Variants in PRKD1 observed in about 807,000 individuals in gnomAD.
PRKD1 encodes the protein protein kinase D1.
In PRKD1, 63 loss-of-function variants were observed where a neutral mutation model predicts 95.9. The observed-to-expected ratio is 0.66, with a 90% CI of 0.54 to 0.81. PRKD1 has a LOEUF of 0.81. Among genes scored for constraint, PRKD1 ranks in the 30% least tolerant of loss-of-function variants. PRKD1 has a pLI of 0.00. For missense variants in PRKD1, 1,048 were observed against 1,165.3 expected (o/e 0.90, Z 1.47); for synonymous variants, 425 against 423.1 (o/e 1.00, Z -0.05).
intron 1 of PRKD1, among the ~76,000 whole-genome samples, chr14:29,861,112 A>G (rs1210520924): frequency 6.6e-6 from 1 of 152,224 alleles, no homozygotes; most frequent in Non-Finnish European, 1.5e-5. Flanking sequence ...GTCTGCCAGA[A>G]TAAAGTACAA....
At position 29,890,925 on chromosome 14, in the gene PRKD1, C is replaced by G. The variant is rs138572514; in HGVS notation, c.264+36324G>C. 9.5e-4 allele frequency among the ~76,000 whole-genome samples: 145 copies of G among 152,080 alleles called. 3 individuals are homozygous for G. Among genetic ancestry groups the G allele is most frequent in the African/African-American group, 3.4e-3 (140 of 41,542 alleles). ...AATGTTCCATATGATTTTGAAAATT[C>G]TATCTATCACCAAGGTCACAGTTTC... On this transcript the variant is annotated intron_variant, in intron 1 of 17. Transcript: ENST00000331968.
chr14:29,844,783 C>A (rs1892015130), intron 1 of PRKD1, among the ~76,000 whole-genome samples: 1 of 152,130 alleles, frequency 6.6e-6, no homozygotes, highest in African/African-American at 2.4e-5. Context: ...GAAGCTTATA[C>A]CAAGTTGTTA....
intron 1 of PRKD1, among the ~76,000 whole-genome samples, chr14:29,769,319 G>A (rs145645779): frequency 5.1e-4 from 78 of 151,858 alleles, no homozygotes; most frequent in African/African-American, 1.6e-3. Context: ...CTGTAATCCC[G>A]GCACTTTAGG....
intron 1 of PRKD1, among the ~76,000 whole-genome samples, chr14:29,896,731 A>AG (rs1426037884): frequency 1.3e-5 from 2 of 151,838 alleles, no homozygotes; most frequent in African/African-American, 4.8e-5. Context: ...AAAAAAAAAA[A>AG]AAAAAAACAG....
intron 2 of PRKD1, among the ~76,000 whole-genome samples, chr14:29,683,844 T>C (rs540956914): frequency 6.6e-6 from 1 of 152,366 alleles, no homozygotes; most frequent in Non-Finnish European, 1.5e-5. Flanking sequence ...TTTTGTGTCA[T>C]CGTCAATCAA....
In PRKD1 at chr14:29,663,726, A is replaced by G; in HGVS notation, c.669T>C (p.Ser223=). ...GAAGGGGCTCATCAGGGGCACTTGT[A>G]GAGAGTTCAGCAGATGATGTGCGGA... ...STIRTSSAEL[S]TSAPDEPLLQ... The change falls in exon 4 of 18, where the codon TCT becomes TCC. Residue 223 remains serine (S), a synonymous_variant. Transcript: ENST00000331968. 6.2e-7 allele frequency: 1 copy of G among 1,614,050 alleles called. No individual in the cohort carries two copies. Among genetic ancestry groups the G allele is most frequent in the Non-Finnish European group, 8.5e-7 (1 of 1,179,940 alleles).
At chr14:29,784,052 T>A (rs1380968845) in intron 1 of PRKD1, among the ~76,000 whole-genome samples, 2 of 152,244 alleles carry the variant, frequency 1.3e-5, no homozygotes, top group African/African-American at 2.4e-5. Context: ...CTTAGACCAA[T>A]GTCCTGAAGC....
At chr14:29,727,103 T>A (rs74951906) in intron 1 of PRKD1, among the ~76,000 whole-genome samples, 26,472 of 151,518 alleles carry the variant, frequency 0.17, 2,509 homozygotes, top group South Asian at 0.26. Context: ...AACTGGTGTG[T>A]AATGATATCT....
chr14:29,906,988 C>T (rs1042079271), intron 1 of PRKD1, among the ~76,000 whole-genome samples: 5 of 152,176 alleles, frequency 3.3e-5, no homozygotes, highest in Admixed American at 2.0e-4. Context: ...GTAAATTAGG[C>T]TGAGATTTGA....
intron 1 of PRKD1, among the ~76,000 whole-genome samples, chr14:29,751,791 G>C (rs1887490252): frequency 6.6e-6 from 1 of 152,118 alleles, no homozygotes; most frequent in South Asian, 2.1e-4. Context: ...ATTTGCTTTG[G>C]CTAATGCGAT....
At chr14:29,921,400 A>G (rs541884786) in intron 1 of PRKD1, among the ~76,000 whole-genome samples, 1 of 151,702 alleles carries the variant, frequency 6.6e-6, no homozygotes, top group East Asian at 1.9e-4. Context: ...GAATAAGATA[A>G]TAAATATAAA....
At chr14:29,711,566 G>A (rs1885335662) in intron 2 of PRKD1, among the ~76,000 whole-genome samples, 1 of 152,070 alleles carries the variant, frequency 6.6e-6, no homozygotes, top group South Asian at 2.1e-4. Flanking sequence ...TATATTAACT[G>A]CTTAAAACCA....
intron 1 of PRKD1, among the ~76,000 whole-genome samples, chr14:29,738,607 G>C (rs1886837063): frequency 6.6e-6 from 1 of 151,868 alleles, no homozygotes; most frequent in South Asian, 2.1e-4. Context: ...ATCTTACTTT[G>C]TTATTTTCTG....
At chr14:29,637,066 G>A (rs1880433172) in intron 6 of PRKD1, among the ~76,000 whole-genome samples, 1 of 152,182 alleles carries the variant, frequency 6.6e-6, no homozygotes, top group Non-Finnish European at 1.5e-5. Flanking sequence ...AACCTTGGAA[G>A]GAAGCCAAAG....
intron 4 of PRKD1, among the ~76,000 whole-genome samples, chr14:29,643,436 T>C (rs753328355): frequency 1.3e-5 from 2 of 152,296 alleles, no homozygotes; most frequent in Middle Eastern, 6.8e-3. Context: ...ACACCAAGTG[T>C]TTCATTTGAA....
chr14:29,654,117 G>T (rs1881695638), intron 4 of PRKD1, among the ~76,000 whole-genome samples: 1 of 151,566 alleles, frequency 6.6e-6, no homozygotes, highest in South Asian at 2.1e-4. Flanking sequence ...AACCTATTTG[G>T]ATTCTAATAA....
intron 1 of PRKD1, among the ~76,000 whole-genome samples, chr14:29,809,000 A>C (rs939642152): frequency 1.3e-5 from 2 of 152,234 alleles, no homozygotes; most frequent in African/African-American, 4.8e-5. Flanking sequence ...TTGAAAGTTG[A>C]AATTACTCTC....
At chr14:29,619,229 A>T (rs1594366869) in intron 13 of PRKD1, among the ~76,000 whole-genome samples, 2 of 152,036 alleles carry the variant, frequency 1.3e-5, no homozygotes, top group East Asian at 3.9e-4. Context: ...CATCCCCATT[A>T]CTATTTTGTC....
intron 16 of PRKD1, among the ~76,000 whole-genome samples, chr14:29,589,464 G>A (rs994399084): frequency 6.6e-6 from 1 of 152,140 alleles, no homozygotes; most frequent in Non-Finnish European, 1.5e-5. Flanking sequence ...AGGAATGTAG[G>A]AAGACAGAAT....
Sources: allele counts gnomAD v4.1 joint callset (sites outside exome capture counted in the v4.1 genomes callset), GRCh38; gene constraint gnomAD v4.1.1; transcripts MANE v1.5; gene names NCBI Gene and HGNC (gene_info 2026-07-23, HGNC 2026-07-21).